The following LDAH variants were observed in gnomAD, a reference collection of about 807,000 sequenced individuals.
LDAH encodes lipid droplet-associated hydrolase.
Under a neutral mutation model 29.6 loss-of-function variants are expected in LDAH, and 26 were observed. The observed-to-expected ratio is 0.88, with a 90% confidence interval of 0.64 to 1.22. The LOEUF is 1.22. LDAH is among the 50% of genes most tolerant of loss of function. LDAH has a pLI of 0.00. For missense variants in LDAH, 344 were observed against 387.3 expected (o/e 0.89, Z 0.94); for synonymous variants, 117 against 133.0 (o/e 0.88, Z 0.83).
At chr2:20,723,381 G>A (rs1214134051) in intron 5 of LDAH, among the ~76,000 whole-genome samples, 1 of 151,996 alleles carries the variant, frequency 6.6e-6, no homozygotes, top group Non-Finnish European at 1.5e-5. Flanking sequence ...TTGAGTGGGT[G>A]GCAGTTAATA....
chr2:20,732,108 AT>A (rs913899751), intron 5 of LDAH, among the ~76,000 whole-genome samples: 16 of 150,872 alleles, frequency 1.1e-4, no homozygotes, highest in African/African-American at 2.9e-4. Flanking sequence ...CATTCAAAAT[AT>A]TTTTTTTTCC....
At chr2:20,745,601 G>A (rs1250306963) in intron 4 of LDAH, among the ~76,000 whole-genome samples, 5 of 152,030 alleles carry the variant, frequency 3.3e-5, no homozygotes, top group African/African-American at 1.2e-4. Flanking sequence ...CACAATATAT[G>A]CTTATTTCCA....
chr2:20,802,568 T>C (rs1386216180), intron 1 of LDAH, among the ~76,000 whole-genome samples: 1 of 152,144 alleles, frequency 6.6e-6, no homozygotes, highest in Middle Eastern at 3.2e-3. Flanking sequence ...TTCATTGGTC[T>C]TTCTGTCTTT....
chr2:20,716,151 T>C (rs1274995585), intron 5 of LDAH, among the ~76,000 whole-genome samples: 5 of 152,178 alleles, frequency 3.3e-5, no homozygotes, highest in East Asian at 1.9e-4. Flanking sequence ...AGTTCAACCA[T>C]TGCGGAAGAC....
intron 6 of LDAH, among the ~76,000 whole-genome samples, chr2:20,694,096 C>G (rs535105155): frequency 6.6e-6 from 1 of 152,244 alleles, no homozygotes; most frequent in Non-Finnish European, 1.5e-5. Context: ...ATAAAGCAGT[C>G]GGTTGAATAC....
chr2:20,800,529 T>A lies in LDAH; in HGVS notation c.154+781A>T, dbSNP rs1482399823. On this transcript the variant is annotated intron_variant, in intron 2 of 6. Transcript: ENST00000237822. ...TTGAATACCTGCAATCGCTCAAGCATCTGTCCCTAATTCTATTGACAATGA... is the reference window on the plus strand; with the variant it reads ...TTGAATACCTGCAATCGCTCAAGCAACTGTCCCTAATTCTATTGACAATGA... 2.0e-5 allele frequency among the ~76,000 whole-genome samples: 3 copies of A among 152,360 alleles called. No homozygotes were observed. In the South Asian group the frequency reaches 6.2e-4, roughly 32 times the overall value.
intron 5 of LDAH, among the ~76,000 whole-genome samples, chr2:20,707,711 A>C (rs747391306): frequency 3.9e-5 from 6 of 152,226 alleles, no homozygotes; most frequent in Non-Finnish European, 8.8e-5. Flanking sequence ...TAATCCCTGA[A>C]TTGAGAATAG....
intron 4 of LDAH, among the ~76,000 whole-genome samples, chr2:20,766,233 T>C (rs1209114760): frequency 1.3e-5 from 2 of 152,222 alleles, no homozygotes; most frequent in Non-Finnish European, 2.9e-5. Context: ...TTATTATACA[T>C]TGTTTAAAAA....
chr2:20,812,372 G>A (rs943232266), intron 1 of LDAH, among the ~76,000 whole-genome samples: 1 of 152,130 alleles, frequency 6.6e-6, no homozygotes, highest in Admixed American at 6.5e-5. Context: ...CATCCACTTC[G>A]AGAATTAGCC....
intron 4 of LDAH, among the ~76,000 whole-genome samples, chr2:20,760,205 T>C (rs1213874159): frequency 6.6e-6 from 1 of 152,090 alleles, no homozygotes; most frequent in African/African-American, 2.4e-5. Context: ...TAAGATAGTG[T>C]AAAAGCAGGG....
chr2:20,817,647 C>CA (rs1288253285), intron 1 of LDAH, among the ~76,000 whole-genome samples: 1 of 152,024 alleles, frequency 6.6e-6, no homozygotes, highest in Non-Finnish European at 1.5e-5. Flanking sequence ...TATGACTTAG[C>CA]AATTGTACTC....
At chr2:20,701,506 C>A in intron 6 of LDAH, 64 bp downstream of exon 6, 1 of 1,326,496 alleles carries the variant, frequency 7.5e-7, no homozygotes, top group South Asian at 1.2e-5. Context: ...AGTTCTAGTC[C>A]TTTGCCCTCG....
At chr2:20,822,463 T>C (rs1406340737) in intron 1 of LDAH, among the ~76,000 whole-genome samples, 2 of 152,272 alleles carry the variant, frequency 1.3e-5, no homozygotes, top group East Asian at 1.9e-4. Flanking sequence ...ACTCTTGTGT[T>C]TGGTACACAG....
intron 1 of LDAH, among the ~76,000 whole-genome samples, chr2:20,812,484 C>G (rs1211852447): frequency 1.3e-5 from 2 of 152,168 alleles, no homozygotes; most frequent in African/African-American, 2.4e-5. Context: ...AAAACTTCTG[C>G]AGAGCAAGTA....
At chr2:20,787,458 T>G (rs1670637082) in intron 3 of LDAH, among the ~76,000 whole-genome samples, 1 of 152,146 alleles carries the variant, frequency 6.6e-6, no homozygotes. Context: ...CACGCCTGGC[T>G]AATTTTTGTA....
chr2:20,713,339 T>C (rs1664909039), intron 5 of LDAH, among the ~76,000 whole-genome samples: 2 of 152,156 alleles, frequency 1.3e-5, no homozygotes, highest in Admixed American at 6.5e-5. Flanking sequence ...AAGCAAATGC[T>C]GAGAGATTTT....
At chr2:20,796,845 A>G (rs1671336852) in intron 2 of LDAH, among the ~76,000 whole-genome samples, 1 of 152,198 alleles carries the variant, frequency 6.6e-6, no homozygotes, top group Non-Finnish European at 1.5e-5. Flanking sequence ...ATTAGCATTC[A>G]AAACATGGTC....
chr2:20,755,142 TG>T (rs1276873287), intron 4 of LDAH, among the ~76,000 whole-genome samples: 1 of 151,604 alleles, frequency 6.6e-6, no homozygotes, highest in Non-Finnish European at 1.5e-5. Context: ...TGTGTGTGTG[TG>T]TGTGTGTGTG....
intron 5 of LDAH, among the ~76,000 whole-genome samples, chr2:20,732,666 A>G (rs1666493413): frequency 1.3e-5 from 2 of 152,294 alleles, no homozygotes; most frequent in South Asian, 2.1e-4. Flanking sequence ...TCAAATTTAT[A>G]TGTGTAGAGT....
Sources: gnomAD v4.1 joint callset for allele counts (sites outside exome capture counted in the v4.1 genomes callset) on GRCh38, gnomAD v4.1.1 for gene constraint, MANE v1.5 for transcripts, NCBI Gene and HGNC (gene_info 2026-07-23, HGNC 2026-07-21) for gene names.